The following RASSF3 variants were observed in gnomAD, a reference collection of about 807,000 sequenced individuals.
The protein encoded by RASSF3 is ras association domain-containing protein 3.
In RASSF3, 19 loss-of-function variants were observed where a neutral mutation model predicts 19.9. The observed-to-expected ratio is 0.96, with a 90% CI of 0.67 to 1.40. RASSF3 has a LOEUF of 1.40. Among genes scored for constraint, RASSF3 ranks in the 40% most tolerant of loss-of-function variants. The pLI is 0.00. For missense variants in RASSF3, 306 were observed against 289.8 expected, an observed-to-expected ratio of 1.06 and a Z score of -0.41; for synonymous variants, 110 against 104.2, an observed-to-expected ratio of 1.06 and a Z score of -0.34.
At chr12:64,581,686 T>C (rs1350380440) in intron 2 of RASSF3, among the ~76,000 whole-genome samples, 2 of 152,114 alleles carry the variant, frequency 1.3e-5, no homozygotes, top group African/African-American at 2.4e-5. Context: ...TTTAAAGTTA[T>C]AGGCAAATTT....
upstream of RASSF3, among the ~76,000 whole-genome samples, chr12:64,529,985 C>T (rs1868671902): frequency 3.9e-5 from 6 of 152,236 alleles, no homozygotes; most frequent in South Asian, 1.2e-3. Context: ...TTCTACCAAC[C>T]TACTCCCATC....
intron 1 of RASSF3, among the ~76,000 whole-genome samples, chr12:64,523,753 G>C (rs1592388303): frequency 6.6e-6 from 1 of 151,922 alleles, no homozygotes; most frequent in East Asian, 1.9e-4. Context: ...CTGGGGTGCA[G>C]TGGCTATTCA....
rs564679806 is a variant in RASSF3 at position 64,682,522 on chromosome 12, C to T, written c.112-2265C>T. Among the ~76,000 whole-genome samples, 8 of 150,410 alleles carry T rather than the reference C, an allele frequency of 5.3e-5. No individual in the cohort carries two copies. The South Asian group carries it at 8.4e-4, about 16-fold the overall frequency. Reference sequence around the variant, plus strand: ...GCGGAGGTTGCAGTGAGCCCAGATCCGGCCACTGCACTCCAGCCTGGGTGA... The same window carrying T: ...GCGGAGGTTGCAGTGAGCCCAGATCTGGCCACTGCACTCCAGCCTGGGTGA... On this transcript the variant is annotated intron_variant, in intron 1 of 4. Coordinates refer to ENST00000542104, the MANE Select transcript of RASSF3 (RefSeq NM_178169.4).
chr12:64,507,568 T>G (rs1327612027), intron 1 of RASSF3: 2 of 321,506 alleles, frequency 6.2e-6, no homozygotes, highest in Non-Finnish European at 1.1e-5. Context: ...TGTATGCTTT[T>G]TAGGCATTTT....
exon 1 of RASSF3, chr12:64,507,030 G>C: frequency 2.5e-6 from 1 of 396,246 alleles, no homozygotes; most frequent in Non-Finnish European, 4.4e-6. Flanking sequence ...TGAGGGCCAA[G>C]GTCTAAAGGA....
chr12:64,663,952 C>T (rs900958378), intron 1 of RASSF3, among the ~76,000 whole-genome samples: 16 of 147,210 alleles, frequency 1.1e-4, no homozygotes, highest in Non-Finnish European at 1.5e-4. Context: ...TATAGAATAT[C>T]TCCAAATTTT....
intron 1 of RASSF3, among the ~76,000 whole-genome samples, chr12:64,648,802 AT>A (rs60003798): frequency 4.6e-4 from 48 of 104,988 alleles, no homozygotes; most frequent in Middle Eastern, 0.012. Flanking sequence ...TTTTACATTG[AT>A]TTTTTTTTTT....
At chr12:64,649,163 T>G (rs1871847776) in intron 1 of RASSF3, among the ~76,000 whole-genome samples, 1 of 151,102 alleles carries the variant, frequency 6.6e-6, no homozygotes, top group Non-Finnish European at 1.5e-5. Context: ...TTCTAATTGG[T>G]GTTCTTGGGG....
intron 1 of RASSF3, among the ~76,000 whole-genome samples, chr12:64,610,970 C>A (rs781318142): frequency 6.6e-6 from 1 of 152,168 alleles, no homozygotes; most frequent in Non-Finnish European, 1.5e-5. Flanking sequence ...GGCTGAGGGC[C>A]GGCTTCTGCC....
At chr12:64,644,243 T>C (rs1402963735) in intron 1 of RASSF3, among the ~76,000 whole-genome samples, 1 of 152,206 alleles carries the variant, frequency 6.6e-6, no homozygotes, top group African/African-American at 2.4e-5. Flanking sequence ...CTGTCAAAAC[T>C]GTTCCTGAAA....
Position 64,631,505 on chromosome 12 carries a change from G to A in RASSF3, c.111+20762G>A, listed in dbSNP as rs574538382. ...TAAAATGAGGAGCCTACAAGGGCGA[G>A]GGAAGTGGTAAGGGTGTTGTCATCG... is the stretch of plus-strand genomic sequence containing the variant. On this transcript the variant is annotated intron_variant, in intron 1 of 4. Coordinates refer to ENST00000542104, the MANE Select transcript of RASSF3 (RefSeq NM_178169.4). Among the ~76,000 whole-genome samples the A allele has an allele frequency of 5.9e-5, 9 of 152,198 alleles. No homozygotes were observed. In the South Asian group the frequency reaches 1.9e-3, roughly 32 times the overall value.
intron 1 of RASSF3, among the ~76,000 whole-genome samples, chr12:64,665,806 C>T (rs1015877867): frequency 2.6e-5 from 4 of 152,192 alleles, no homozygotes; most frequent in East Asian, 1.9e-4. Flanking sequence ...TTCCTTCTAC[C>T]GCAGGGTCGC....
At chr12:64,679,300 C>T (rs1873029608) in intron 1 of RASSF3, among the ~76,000 whole-genome samples, 1 of 152,224 alleles carries the variant, frequency 6.6e-6, no homozygotes, top group Non-Finnish European at 1.5e-5. Flanking sequence ...ACCTCGTGAT[C>T]CACCCACCTT....
At chr12:64,642,865 CT>C (rs537286977) in intron 1 of RASSF3, among the ~76,000 whole-genome samples, 179 of 138,802 alleles carry the variant, frequency 1.3e-3, no homozygotes, top group Middle Eastern at 7.8e-3. Context: ...TTCTTTCTTT[CT>C]TTTTTTTTTT....
chr12:64,534,588 C>T (rs981213740), intron 1 of RASSF3, among the ~76,000 whole-genome samples: 2 of 152,086 alleles, frequency 1.3e-5, no homozygotes, highest in Non-Finnish European at 2.9e-5. Context: ...ATGAGCAACC[C>T]CAAGGCTAGT....
At chr12:64,543,043 G>C (rs1264703536), downstream of RASSF3, among the ~76,000 whole-genome samples, 2 of 85,432 alleles carry the variant, frequency 2.3e-5, no homozygotes, top group African/African-American at 6.9e-5. Flanking sequence ...TTGGAGTGGC[G>C]GGCCCCGCAC....
intron 1 of RASSF3, among the ~76,000 whole-genome samples, chr12:64,513,277 C>G (rs1868339007): frequency 6.6e-6 from 1 of 151,928 alleles, no homozygotes; most frequent in South Asian, 2.1e-4. Context: ...AAACCCGTCT[C>G]TACTAAAAAT....
intron 2 of RASSF3, among the ~76,000 whole-genome samples, chr12:64,574,310 TAA>T (rs879703990): frequency 1.6e-4 from 22 of 135,526 alleles, no homozygotes; most frequent in Admixed American, 2.2e-4. Context: ...GACTCTGTCT[TAA>T]AAAAAAAAAA....
upstream of RASSF3, among the ~76,000 whole-genome samples, chr12:64,607,216 C>T (rs951468183): frequency 4.0e-5 from 6 of 150,154 alleles, no homozygotes; most frequent in Non-Finnish European, 5.9e-5. Context: ...CTTGGGAAGT[C>T]GAGGCTGCAG....
Sources: gnomAD v4.1 joint callset for allele counts (sites outside exome capture counted in the v4.1 genomes callset) on GRCh38, gnomAD v4.1.1 for gene constraint, MANE v1.5 for transcripts, NCBI Gene and HGNC (gene_info 2026-07-23, HGNC 2026-07-21) for gene names.